The following SLC35E2B variants were observed in gnomAD, a reference collection of about 807,000 sequenced individuals.
SLC35E2B encodes solute carrier family 35, member E2B.
In SLC35E2B, 18 loss-of-function variants were observed where a neutral mutation model predicts 32.4. That is an observed-to-expected ratio of 0.56 (90% confidence interval 0.38 to 0.82). SLC35E2B has a LOEUF of 0.82. Among genes scored for constraint, SLC35E2B ranks in the 40% least tolerant of loss-of-function variants. The probability of loss-of-function intolerance (pLI) is 0.00; values close to 1 mark genes in which losing one functional copy is unlikely to be tolerated. For missense variants in SLC35E2B, 263 were observed against 469.5 expected, an observed-to-expected ratio of 0.56 and a Z score of 4.06; for synonymous variants, 132 against 209.1, an observed-to-expected ratio of 0.63 and a Z score of 3.18.
chr1:1,670,038 G>T, intron 7 of SLC35E2B, 60 bp downstream of exon 7: 2 of 1,423,458 alleles, frequency 1.4e-6, no homozygotes, highest in Non-Finnish European at 1.9e-6. Flanking sequence ...GACTCTTACA[G>T]TGAGCAGGAA....
At position 1,669,755 on chromosome 1, in the gene SLC35E2B, G is replaced by T; in HGVS notation, c.762-19C>A. On this transcript the variant is annotated intron_variant, in intron 7 of 9. Transcript: ENST00000617444. The stretch of plus-strand genomic sequence containing the variant: ...CGGGGCCCTGTGGGTGACAGAACAC[G>T]CTGGGCCCCCCGTGTCGGGACAGGC... 4 of 1,548,166 alleles carry T rather than the reference G, an allele frequency of 2.6e-6. No homozygotes were observed. The highest frequency in any genetic ancestry group is 1.4e-5 in the African/African-American group (1 of 73,102).
At chr1:1,671,282 G>A (rs1381756259) in intron 6 of SLC35E2B, 2 of 396,304 alleles carry the variant, frequency 5.0e-6, no homozygotes. Flanking sequence ...GTGTCTCCAT[G>A]GTTAGCATTT....
rs181354726 is a variant in SLC35E2B at position 1,689,399 on chromosome 1, T to A, written c.-148+1577A>T. ...GTCCGAAGCACTCTCTGCACAGCGG[T>A]GAATCCCCACAATAGCCCTCTGGGG... is the stretch of plus-strand genomic sequence containing the variant. On this transcript the variant is annotated intron_variant, in intron 2 of 9. Transcript: ENST00000617444. 4.0e-5 allele frequency among the ~76,000 whole-genome samples: 6 copies of A among 151,728 alleles called. No individual in the cohort carries two copies. In the East Asian group the frequency reaches 1.2e-3, roughly 29 times the overall value.
chr1:1,678,472 G>T (rs1313710220), intron 2 of SLC35E2B, among the ~76,000 whole-genome samples: 1 of 152,002 alleles, frequency 6.6e-6, no homozygotes, highest in Non-Finnish European at 1.5e-5. Context: ...CCTGCTGTGT[G>T]TGTCTGTGCA....
At chr1:1,677,622 C>T (rs904892613) in intron 2 of SLC35E2B, among the ~76,000 whole-genome samples, 34 of 151,716 alleles carry the variant, frequency 2.2e-4, no homozygotes, top group Non-Finnish European at 2.4e-4. Context: ...GGACGACAGG[C>T]GTCCGCCACC....
chr1:1,664,135 A>G lies in SLC35E2B; in HGVS notation c.*1647T>C, dbSNP rs1269165805. ...GAAGTCGAGGCTGCAGTGAGCCAAG[A>G]TCATGCCACTGTACTCCAGCCTGGG... On this transcript the variant is annotated 3_prime_UTR_variant, in exon 10 of 10. Transcript: ENST00000617444. 9.3e-6 allele frequency: 4 copies of G among 429,836 alleles called. No individual in the cohort carries two copies. Among genetic ancestry groups the G allele is most frequent in the Non-Finnish European group, 1.2e-5 (4 of 321,432 alleles). 26.6% of individuals were successfully genotyped at this position (429,836 alleles called of 1,614,324 possible).
intron 2 of SLC35E2B, among the ~76,000 whole-genome samples, chr1:1,685,661 G>A (rs1233888338): frequency 1.3e-5 from 2 of 152,044 alleles, no homozygotes; most frequent in Non-Finnish European, 2.9e-5. Flanking sequence ...CCACACCACA[G>A]ATCAAACAAA....
chr1:1,687,405 T>TGTCTCTACTAAAAATACAAAAAATTA (rs1336023683), intron 2 of SLC35E2B, among the ~76,000 whole-genome samples: 1 of 151,834 alleles, frequency 6.6e-6, no homozygotes, highest in African/African-American at 2.4e-5. Flanking sequence ...GGCGAAACCC[T>TGTCTCTACTAAAAATACAAAAAATTA]GTCTCTACTA....
chr1:1,671,937 C>T (rs1321876988), intron 5 of SLC35E2B: 5 of 230,850 alleles, frequency 2.2e-5, no homozygotes, highest in South Asian at 1.1e-4. Flanking sequence ...TCCTGTGAAA[C>T]GGTGAGTGTG....
chr1:1,688,261 GATC>G (rs1643975355), intron 2 of SLC35E2B, among the ~76,000 whole-genome samples: 1 of 152,052 alleles, frequency 6.6e-6, no homozygotes, highest in Non-Finnish European at 1.5e-5. Context: ...CCACCATCAC[GATC>G]ATCATCACAA....
chr1:1,670,102 A>G lies in SLC35E2B; in HGVS notation c.757T>C (p.Phe253Leu). ...KKLLSGDKYRFSAPELQFYTS... is the reference protein window; with the variant it reads ...KKLLSGDKYRLSAPELQFYTS... ...TCACTGACGAATAATACTTACGAGAACCTGTATTTGTCCCCGCTGAGCAGC... is the reference window on the plus strand; with the variant it reads ...TCACTGACGAATAATACTTACGAGAGCCTGTATTTGTCCCCGCTGAGCAGC... The change falls in exon 7 of 10, where the codon TTC becomes CTC. Residue 253 changes from phenylalanine to leucine, a missense_variant. Transcript: ENST00000617444. 6.4e-7 allele frequency: 1 copy of G among 1,551,252 alleles called. No individual in the cohort carries two copies. Among genetic ancestry groups the G allele is most frequent in the South Asian group, 1.2e-5 (1 of 84,028 alleles).
rs77042062 is a variant in SLC35E2B at position 1,663,735 on chromosome 1, C to G, written c.*2047G>C. Reference sequence around the variant, plus strand: ...CCGCCAGCTGCTGCCTCCCAAAGTGCTGCGATTAGAGGCGTGAGCCACCGC... The same window carrying G: ...CCGCCAGCTGCTGCCTCCCAAAGTGGTGCGATTAGAGGCGTGAGCCACCGC... On this transcript the variant is annotated 3_prime_UTR_variant, in exon 10 of 10. Transcript: ENST00000617444. The G allele has an allele frequency of 7.1e-4, 433 of 607,560 alleles. 18 individuals are homozygous for G. In the African/African-American group the frequency reaches 7.6e-3, roughly 11 times the overall value. 37.6% of individuals were successfully genotyped at this position (607,560 alleles called of 1,614,324 possible). A position where few individuals can be genotyped will look rare whatever the true frequency, so the allele number is the denominator to read the frequency against.
At position 1,663,877 on chromosome 1, in the gene SLC35E2B, C is replaced by A; in HGVS notation, c.*1905G>T. ...GAGCACACACCTGGCCTGTCCTCCA[C>A]ACACAGGTCAGCGGTTTTATAGAAG... On this transcript the variant is annotated 3_prime_UTR_variant, in exon 10 of 10. Transcript: ENST00000617444. 1 of 863,358 alleles carries A rather than the reference C, an allele frequency of 1.2e-6. No homozygotes were observed. 53.5% of individuals were successfully genotyped at this position (863,358 alleles called of 1,614,324 possible).
At chr1:1,675,277 CA>C (rs1643813442) in intron 5 of SLC35E2B, among the ~76,000 whole-genome samples, 185 bp downstream of exon 5, 1 of 150,460 alleles carries the variant, frequency 6.6e-6, no homozygotes, top group South Asian at 2.1e-4. Flanking sequence ...GAATACCTGG[CA>C]GACGCCAGGC....
At chr1:1,671,323 C>T (rs187810753) in intron 6 of SLC35E2B, 186 bp downstream of exon 6, 179 of 562,126 alleles carry the variant, frequency 3.2e-4, no homozygotes, top group African/African-American at 3.0e-3. Flanking sequence ...CCTGAAATTT[C>T]GGCTTATTTT....
intron 9 of SLC35E2B, 110 bp from the exon 10 acceptor site, chr1:1,666,129 T>A: frequency 1.6e-6 from 2 of 1,287,976 alleles, no homozygotes; most frequent in Non-Finnish European, 1.1e-6. Context: ...GTTGGGGGAC[T>A]CAGCGTCACG....
intron 6 of SLC35E2B, chr1:1,670,415 C>T: frequency 3.0e-6 from 1 of 329,766 alleles, no homozygotes; most frequent in Non-Finnish European, 5.6e-6. Context: ...AGCCACCACG[C>T]CCAACAGATT....
chr1:1,684,637 A>G (rs1643929322), intron 2 of SLC35E2B, among the ~76,000 whole-genome samples: 1 of 151,876 alleles, frequency 6.6e-6, no homozygotes, highest in African/African-American at 2.4e-5. Context: ...TAAAAATACA[A>G]AAATTAGCTG....
intron 5 of SLC35E2B, among the ~76,000 whole-genome samples, chr1:1,674,644 A>C (rs1309246941): frequency 1.6e-4 from 24 of 150,978 alleles, no homozygotes; most frequent in South Asian, 2.1e-4. Context: ...AAAAAAAAAA[A>C]AACAAAAAAA....
Sources: gnomAD v4.1 joint callset for allele counts (sites outside exome capture counted in the v4.1 genomes callset) on GRCh38, gnomAD v4.1.1 for gene constraint, MANE v1.5 for transcripts, NCBI Gene and HGNC (gene_info 2026-07-23, HGNC 2026-07-21) for gene names.